CTNNA3: variants seen among roughly 807,000 people sequenced by gnomAD.
CTNNA3 encodes the protein catenin alpha-3.
Under a neutral mutation model 95.7 loss-of-function variants are expected in CTNNA3, and 76 were observed. The ratio of observed to expected loss-of-function variants is 0.79; its 90% CI spans 0.66 to 0.96. The LOEUF is 0.96. Among genes scored for constraint, CTNNA3 ranks in the 40% least tolerant of loss-of-function variants. The pLI is 0.00. For missense variants in CTNNA3, 1,191 were observed against 1,089.8 expected (o/e 1.09, Z -1.31); for synonymous variants, 431 against 374.4 (o/e 1.15, Z -1.74).
intron 7 of CTNNA3, among the ~76,000 whole-genome samples, chr10:66,941,988 C>A (rs1438060365): frequency 6.6e-6 from 1 of 152,104 alleles, no homozygotes; most frequent in Non-Finnish European, 1.5e-5. Flanking sequence ...ACTTCGAATC[C>A]ACTAGACCTG....
chr10:66,747,864 T>TA (rs1838951704), intron 9 of CTNNA3, among the ~76,000 whole-genome samples: 1 of 152,144 alleles, frequency 6.6e-6, no homozygotes, highest in South Asian at 2.1e-4. Flanking sequence ...TCTTGCTTTC[T>TA]AAAAAAGGTT....
At chr10:66,663,487 A>T (rs77477151) in intron 9 of CTNNA3, among the ~76,000 whole-genome samples, 3 of 143,046 alleles carry the variant, frequency 2.1e-5, no homozygotes, top group Admixed American at 7.0e-5. Flanking sequence ...AAAAAAAAAA[A>T]TCCTCACCAG....
At chr10:65,966,052 T>C (rs1216672682) in intron 17 of CTNNA3, among the ~76,000 whole-genome samples, 3 of 152,294 alleles carry the variant, frequency 2.0e-5, no homozygotes, top group Admixed American at 1.3e-4. Flanking sequence ...AGTTCTACCA[T>C]GGTAATTTAT....
At chr10:66,184,157 GGC>G (rs1206016535) in intron 13 of CTNNA3, among the ~76,000 whole-genome samples, 2 of 151,964 alleles carry the variant, frequency 1.3e-5, no homozygotes, top group East Asian at 3.9e-4. Context: ...AAATTAGCTG[GGC>G]GCGGGGGTGG....
chr10:67,712,080 C>T lies in CTNNA3; in HGVS notation c.-2+51354G>A, dbSNP rs545866872. Among the ~76,000 whole-genome samples, 12 of 152,218 alleles carry T rather than the reference C, an allele frequency of 7.9e-5. No homozygotes were observed. In the South Asian group the frequency reaches 2.3e-3, roughly 29 times the overall value. On this transcript the variant is annotated intron_variant, in intron 1 of 17. Transcript: ENST00000684154. ...AATCATGCTGCTATAAAGACACATG[C>T]ACACGTATGTTTATTGCAGCATTAT...
intron 1 of CTNNA3, among the ~76,000 whole-genome samples, chr10:67,744,123 G>T (rs1369682469): frequency 6.6e-6 from 1 of 151,220 alleles, no homozygotes; most frequent in Non-Finnish European, 1.5e-5. Flanking sequence ...AGCTGCCAAT[G>T]ACTTTCTTCA....
intron 13 of CTNNA3, among the ~76,000 whole-genome samples, chr10:66,131,413 T>C (rs1292269598): frequency 6.6e-6 from 1 of 152,194 alleles, no homozygotes; most frequent in Non-Finnish European, 1.5e-5. Context: ...GTTCAACATA[T>C]GCAGATCAAT....
chr10:67,661,560 G>T (rs546746276), intron 1 of CTNNA3, among the ~76,000 whole-genome samples: 106 of 152,242 alleles, frequency 7.0e-4, no homozygotes, highest in Middle Eastern at 3.4e-3. Context: ...TGATAAACTG[G>T]ACTTCATGAA....
At chr10:66,378,632 T>C (rs2921943) in intron 12 of CTNNA3, among the ~76,000 whole-genome samples, 98,288 of 152,070 alleles carry the variant, frequency 0.65, 33,405 homozygotes, top group East Asian at 0.88. Context: ...AGTGCTGCAA[T>C]CAACACAAAA....
At chr10:67,011,482 A>G (rs1852335148) in intron 7 of CTNNA3, among the ~76,000 whole-genome samples, 1 of 152,200 alleles carries the variant, frequency 6.6e-6, no homozygotes, top group South Asian at 2.1e-4. Flanking sequence ...AAAGTGCTTT[A>G]CAGTGCTGCA....
At chr10:66,965,915 C>T (rs1474132639) in intron 7 of CTNNA3, among the ~76,000 whole-genome samples, 4 of 152,154 alleles carry the variant, frequency 2.6e-5, no homozygotes, top group Non-Finnish European at 5.9e-5. Context: ...CTTGGCAATT[C>T]CAAAGCCTGT....
intron 11 of CTNNA3, among the ~76,000 whole-genome samples, chr10:66,467,056 TA>T (rs1166100172): frequency 1.3e-5 from 2 of 152,148 alleles, no homozygotes; most frequent in African/African-American, 4.8e-5. Context: ...ATATTTTTAC[TA>T]ACTGAAGAAA....
intron 10 of CTNNA3, among the ~76,000 whole-genome samples, chr10:66,529,453 T>TG (rs1564514286): frequency 4.0e-5 from 6 of 148,372 alleles, no homozygotes; most frequent in African/African-American, 1.0e-4. Flanking sequence ...TTTTTTTGTT[T>TG]TTTTTTTTTA....
At chr10:66,662,828 A>G (rs1846308970) in intron 9 of CTNNA3, among the ~76,000 whole-genome samples, 2 of 152,158 alleles carry the variant, frequency 1.3e-5, no homozygotes. Context: ...GGGAAAGGAA[A>G]GGAAGGAGAA....
At chr10:67,397,896 G>C (rs1844773622) in intron 5 of CTNNA3, among the ~76,000 whole-genome samples, 1 of 152,192 alleles carries the variant, frequency 6.6e-6, no homozygotes, top group Non-Finnish European at 1.5e-5. Flanking sequence ...TGTTGAGCCT[G>C]TGGGTGCACA....
At chr10:66,033,381 C>T (rs1439696578) in intron 15 of CTNNA3, among the ~76,000 whole-genome samples, 1 of 151,886 alleles carries the variant, frequency 6.6e-6, no homozygotes, top group Non-Finnish European at 1.5e-5. Context: ...GTGGTCTGCC[C>T]GCCTCAGCCT....
intron 17 of CTNNA3, among the ~76,000 whole-genome samples, chr10:65,942,612 A>G (rs2077447278): frequency 6.6e-6 from 1 of 152,202 alleles, no homozygotes; most frequent in African/African-American, 2.4e-5. Flanking sequence ...CTCTTTATCA[A>G]TATATCTTCT....
At chr10:66,263,512 A>AT (rs1461460019) in intron 13 of CTNNA3, among the ~76,000 whole-genome samples, 1 of 152,028 alleles carries the variant, frequency 6.6e-6, no homozygotes, top group Non-Finnish European at 1.5e-5. Flanking sequence ...TTGTCAGGGT[A>AT]TCAGAGTATC....
At chr10:67,014,603 T>C (rs1192434177) in intron 7 of CTNNA3, among the ~76,000 whole-genome samples, 13 of 152,120 alleles carry the variant, frequency 8.5e-5, no homozygotes. Context: ...AGACTTTCTT[T>C]AGTAGCTAAT....
Sources: allele counts gnomAD v4.1 joint callset (sites outside exome capture counted in the v4.1 genomes callset), GRCh38; gene constraint gnomAD v4.1.1; transcripts MANE v1.5; gene names NCBI Gene and HGNC (gene_info 2026-07-23, HGNC 2026-07-21).